Variants in CIROZ observed in about 807,000 individuals in gnomAD.
CIROZ encodes ciliated left-right organizer ZP-N domains-containing protein.
the CIROZ span, chr1:10,954,879 C>T: frequency 6.7e-6 from 8 of 1,194,206 alleles, no homozygotes; most frequent in Non-Finnish European, 8.1e-6. Context: ...AGGCACGAGC[C>T]ACTGTGACTG....
At chr1:10,976,455 A>G in the CIROZ span, among the ~76,000 whole-genome samples, 6 of 151,766 alleles carry the variant, frequency 4.0e-5, 1 homozygote, top group African/African-American at 1.5e-4. Context: ...CGGTTTAAGC[A>G]GTTCTCTGCC....
At chr1:10,978,672 T>C in the CIROZ span, among the ~76,000 whole-genome samples, 2 of 151,734 alleles carry the variant, frequency 1.3e-5, no homozygotes, top group African/African-American at 4.8e-5. Flanking sequence ...ATTGTCCCAC[T>C]GCACTCCAGC....
chr1:10,976,062 G>A, the CIROZ span: 1 of 993,844 alleles, frequency 1.0e-6, no homozygotes, highest in Non-Finnish European at 1.5e-6. Context: ...CGCTTCCAAA[G>A]TTGCCCAGTG....
At chr1:10,981,580 T>C in the CIROZ span, among the ~76,000 whole-genome samples, 1 of 151,620 alleles carries the variant, frequency 6.6e-6, no homozygotes, top group African/African-American at 2.4e-5. Flanking sequence ...AAAATGAAAT[T>C]TTCTCCTAAT....
the CIROZ span, among the ~76,000 whole-genome samples, chr1:10,980,435 G>A: frequency 1.2e-4 from 19 of 152,372 alleles, no homozygotes; most frequent in East Asian, 2.1e-3. Flanking sequence ...AGCCCAATGC[G>A]GAATTCCTCT....
chr1:10,972,332 T>C, the CIROZ span, among the ~76,000 whole-genome samples: 1 of 151,934 alleles, frequency 6.6e-6, no homozygotes, highest in South Asian at 2.1e-4. Context: ...CTTTACCCAG[T>C]AAGTTGAGGT....
At chr1:10,975,424 A>C in the CIROZ span, among the ~76,000 whole-genome samples, 20,727 of 148,206 alleles carry the variant, frequency 0.14, 3,281 homozygotes, top group African/African-American at 0.38. Context: ...AAAAAAAAAA[A>C]AAAAAAACAC....
chr1:10,978,917 G>A, the CIROZ span, among the ~76,000 whole-genome samples: 6 of 152,150 alleles, frequency 3.9e-5, no homozygotes, highest in African/African-American at 1.4e-4. Flanking sequence ...GGCCAGGGGT[G>A]CAGGCTGGGG....
At chr1:10,961,772 C>A in the CIROZ span, among the ~76,000 whole-genome samples, 2 of 151,874 alleles carry the variant, frequency 1.3e-5, no homozygotes, top group Non-Finnish European at 2.9e-5. Flanking sequence ...GGTGAAACCC[C>A]ATCTCTACTA....
chr1:10,972,420 TACACACAC>T, the CIROZ span, among the ~76,000 whole-genome samples: 869 of 131,794 alleles, frequency 6.6e-3, 8 homozygotes, highest in South Asian at 0.022. Flanking sequence ...GTCTCTGAAA[TACACACAC>T]ACACACACAC....
the CIROZ span, chr1:10,964,330 T>C: frequency 6.5e-7 from 1 of 1,528,288 alleles, no homozygotes; most frequent in South Asian, 1.2e-5. Context: ...GTTAATAGCC[T>C]GCAATTATAG....
the CIROZ span, chr1:10,955,288 G>A: frequency 7.8e-5 from 84 of 1,081,256 alleles, no homozygotes; most frequent in Middle Eastern, 5.4e-4. Flanking sequence ...ACCTGTGGCC[G>A]GCACAGCACA....
At chr1:10,947,797 G>C in the CIROZ span, 1 of 1,600,254 alleles carries the variant, frequency 6.2e-7, no homozygotes, top group Admixed American at 1.7e-5. Flanking sequence ...GCCTGGAAGG[G>C]GTATTCAAGC....
At chr1:10,948,162 G>A in the CIROZ span, 1 of 1,613,736 alleles carries the variant, frequency 6.2e-7, no homozygotes, top group Non-Finnish European at 8.5e-7. Context: ...TGGCAGGATG[G>A]AGAGTCCCGG....
chr1:10,979,637 T>G, the CIROZ span, among the ~76,000 whole-genome samples: 1 of 152,162 alleles, frequency 6.6e-6, no homozygotes, highest in Non-Finnish European at 1.5e-5. Context: ...GCAAGACTGT[T>G]GACAGCAGTG....
At chr1:10,978,070 G>A in the CIROZ span, among the ~76,000 whole-genome samples, 1 of 151,894 alleles carries the variant, frequency 6.6e-6, no homozygotes, top group Admixed American at 6.6e-5. Flanking sequence ...TCAGGAGGCT[G>A]AGGCAGGAGA....
At chr1:10,947,658 G>T in the CIROZ span, 9 of 1,484,076 alleles carry the variant, frequency 6.1e-6, no homozygotes, top group East Asian at 2.1e-4. Flanking sequence ...AGTCTCCATG[G>T]AGGCTCAGCG....
At chr1:10,954,199 T>A in the CIROZ span, 4 of 1,555,898 alleles carry the variant, frequency 2.6e-6, no homozygotes, top group Non-Finnish European at 3.5e-6. Flanking sequence ...CTCACGCCTG[T>A]AATCCCAGCA....
the CIROZ span, among the ~76,000 whole-genome samples, chr1:10,980,533 C>T: frequency 6.6e-6 from 1 of 152,200 alleles, no homozygotes; most frequent in Non-Finnish European, 1.5e-5. Flanking sequence ...GAAGGTTCTC[C>T]CAGAGCGAGT....
Sources: allele counts gnomAD v4.1 joint callset (sites outside exome capture counted in the v4.1 genomes callset), GRCh38; gene constraint gnomAD v4.1.1; transcripts MANE v1.5; gene names NCBI Gene and HGNC (gene_info 2026-07-23, HGNC 2026-07-21).